The following PSMD7 variants were observed in gnomAD, a reference collection of about 807,000 sequenced individuals.
The protein encoded by PSMD7 is proteasome 26S subunit, non-ATPase 7.
Under a neutral mutation model 36.4 loss-of-function variants are expected in PSMD7, and 13 were observed. The observed-to-expected ratio is 0.36, with a 90% CI of 0.23 to 0.57. PSMD7 has a LOEUF of 0.57. PSMD7 is among the 20% of genes least tolerant of loss of function. The pLI is 0.83. For synonymous variants in PSMD7, 186 were observed against 151.0 expected (o/e 1.23, Z -1.70); for missense variants, 298 against 393.6 (o/e 0.76, Z 2.06).
In PSMD7 at chr16:74,302,692, A is replaced by G. The variant is rs897499422; in HGVS notation, c.438+400A>G. 1.1e-4 allele frequency among the ~76,000 whole-genome samples: 16 copies of G among 152,330 alleles called. No individual in the cohort carries two copies. In the East Asian group the frequency reaches 2.3e-3, roughly 22 times the overall value. On this transcript the variant is annotated intron_variant, in intron 5 of 6. Coordinates refer to ENST00000219313, the MANE Select transcript of PSMD7 (RefSeq NM_002811.5). ...CAGGAGTTCAAGGTTACAGTGAGCAATGATCACACCACTGCATTCCAACCT... is the reference window on the plus strand; with the variant it reads ...CAGGAGTTCAAGGTTACAGTGAGCAGTGATCACACCACTGCATTCCAACCT...
At chr16:74,297,721 GA>G (rs1445029059) in intron 1 of PSMD7, among the ~76,000 whole-genome samples, 3 of 150,838 alleles carry the variant, frequency 2.0e-5, no homozygotes, top group Admixed American at 2.0e-4. Flanking sequence ...TGATTTCACC[GA>G]AATGTGAATG....
intron 1 of PSMD7, among the ~76,000 whole-genome samples, chr16:74,298,686 A>G (rs755698264): frequency 3.4e-4 from 51 of 152,188 alleles, no homozygotes; most frequent in Admixed American, 9.8e-4. Flanking sequence ...CACATGGTGA[A>G]ACCCCTTCTC....
At chr16:74,298,156 C>CAAA (rs75614540) in intron 1 of PSMD7, among the ~76,000 whole-genome samples, 29 of 72,728 alleles carry the variant, frequency 4.0e-4, no homozygotes, top group East Asian at 6.2e-4. Context: ...ACCCTGTCTC[C>CAAA]AAAAAAAAAA....
At chr16:74,297,586 CGTTTGACCGAATTG>C (rs2034123652) in intron 1 of PSMD7, among the ~76,000 whole-genome samples, 2 of 151,912 alleles carry the variant, frequency 1.3e-5, no homozygotes, top group African/African-American at 4.8e-5. Flanking sequence ...TGTTTATCTT[CGTTTGACCGAATTG>C]GTTTCACCGA....
At chr16:74,300,051 C>G in intron 1 of PSMD7, 64 bp from the exon 2 acceptor site, 1 of 1,369,708 alleles carries the variant, frequency 7.3e-7, no homozygotes, top group Non-Finnish European at 1.0e-6. Flanking sequence ...CATTGAGTAT[C>G]TTATTGTTGG....
intron 6 of PSMD7, 106 bp from the exon 7 acceptor site, chr16:74,305,183 T>G: frequency 3.0e-6 from 4 of 1,353,728 alleles, no homozygotes; most frequent in Non-Finnish European, 1.9e-6. Context: ...TTTAAAAACT[T>G]GCCTCACCCA....
At chr16:74,301,910 CTG>C (rs1320928571) in intron 4 of PSMD7, among the ~76,000 whole-genome samples, 1 of 152,094 alleles carries the variant, frequency 6.6e-6, no homozygotes, top group Non-Finnish European at 1.5e-5. Flanking sequence ...AATGAGAAAA[CTG>C]AGGTTCAGAA....
At chr16:74,301,704 C>A in intron 4 of PSMD7, 52 bp downstream of exon 4, 2 of 1,456,020 alleles carry the variant, frequency 1.4e-6, no homozygotes, top group Non-Finnish European at 1.9e-6. Context: ...TGCCAGCCAG[C>A]TCAAGTAAGA....
chr16:74,297,253 C>G (rs2034120766), intron 1 of PSMD7, among the ~76,000 whole-genome samples: 1 of 152,240 alleles, frequency 6.6e-6, no homozygotes, highest in Non-Finnish European at 1.5e-5. Flanking sequence ...TTTCCGAGTT[C>G]GTTTTGCCGA....
At position 74,296,902 on chromosome 16, in the gene PSMD7, G is replaced by A. The variant is rs1567524295; in HGVS notation, c.-13G>A. 1 of 1,612,902 alleles carries A rather than the reference G, an allele frequency of 6.2e-7. No individual in the cohort carries two copies. Among genetic ancestry groups the A allele is most frequent in the Non-Finnish European group, 8.5e-7 (1 of 1,179,706 alleles). On this transcript the variant is annotated 5_prime_UTR_variant, in exon 1 of 7. Transcript: ENST00000219313. ...TGGCAGGGAGCCAGGCCTGGCGAGC[G>A]GGGTGTGTCGCGATGCCGGAGCTGG... is the stretch of plus-strand genomic sequence containing the variant.
chr16:74,301,628 C>A lies in PSMD7; in HGVS notation c.333C>A (p.Leu111=). 2 of 1,612,480 alleles carry A rather than the reference C, an allele frequency of 1.2e-6. No individual in the cohort carries two copies. The highest frequency in any genetic ancestry group is 1.7e-6 in the Non-Finnish European group (2 of 1,178,542). Residue 111 remains leucine (L), a synonymous_variant, in exon 4 of 7, where the codon CTC becomes CTA. Coordinates refer to ENST00000219313, the MANE Select transcript of PSMD7 (RefSeq NM_002811.5). ...AGAATGACATTGCCATCAACGAACT[C>A]ATGAAAAGATACTGTCCTAATTCCG... The part of the protein sequence containing the change: ...LHKNDIAINE[L]MKRYCPNSVL...
At chr16:74,301,996 T>C (rs2034159621) in intron 4 of PSMD7, among the ~76,000 whole-genome samples, 1 of 152,198 alleles carries the variant, frequency 6.6e-6, no homozygotes, top group Non-Finnish European at 1.5e-5. Flanking sequence ...GTCCTTGTGC[T>C]AGGCACTGTA....
chr16:74,299,241 TAAAA>T (rs1390280992), intron 1 of PSMD7, among the ~76,000 whole-genome samples: 1 of 152,212 alleles, frequency 6.6e-6, no homozygotes, highest in Non-Finnish European at 1.5e-5. Context: ...TGCTAGTGGT[TAAAA>T]AATACTTCTT....
chr16:74,296,890 G>A lies in PSMD7; in HGVS notation c.-25G>A, dbSNP rs745791674. The A allele has an allele frequency of 1.9e-6, 3 of 1,611,908 alleles. No individual in the cohort carries two copies. In the South Asian group the frequency reaches 3.3e-5, roughly 18 times the overall value. ...GGTGTTTGCGTGTGGCAGGGAGCCA[G>A]GCCTGGCGAGCGGGGTGTGTCGCGA... On this transcript the variant is annotated 5_prime_UTR_variant, in exon 1 of 7. Coordinates refer to ENST00000219313, the MANE Select transcript of PSMD7 (RefSeq NM_002811.5).
Position 74,301,737 on chromosome 16 carries a change from A to T in PSMD7, c.357+85A>T, listed in dbSNP as rs541109889. On this transcript the variant is annotated intron_variant, in intron 4 of 6. Transcript: ENST00000219313. ...AGAGCATCCTGGGAAGAATTTGAGT[A>T]GCAAATCTGCTTACTGCTTTATCTC... is the stretch of plus-strand genomic sequence containing the variant. The T allele has an allele frequency of 3.7e-6, 4 of 1,068,124 alleles. No individual in the cohort carries two copies. The South Asian group carries it at 5.3e-5, about 14-fold the overall frequency. The allele number at this position is 1,068,124 out of a possible 1,614,324, so 66.2% of individuals were successfully genotyped here.
At chr16:74,302,407 G>GT (rs906969089) in intron 5 of PSMD7, 115 bp downstream of exon 5, 28 of 849,356 alleles carry the variant, frequency 3.3e-5, no homozygotes, top group Non-Finnish European at 5.0e-5. Context: ...AAAGAAGGTA[G>GT]TTTTTTTCCC....
In PSMD7 at chr16:74,302,195, ATG is replaced by A. The variant is rs766343086; in HGVS notation, c.358-13_358-12del. On this transcript the variant is annotated splice_polypyrimidine_tract_variant and intron_variant, in intron 4 of 6. Coordinates refer to ENST00000219313, the MANE Select transcript of PSMD7 (RefSeq NM_002811.5). ...GCTGGGCGTGAGATGACTTGCTAAG[ATG>A]TGTTTCTCTGCCAGGTATTGGTCAT... 61 of 1,610,360 alleles carry A rather than the reference ATG, an allele frequency of 3.8e-5. 2 individuals are homozygous for A. The South Asian group carries it at 6.6e-4, about 18-fold the overall frequency.
intron 4 of PSMD7, among the ~76,000 whole-genome samples, chr16:74,301,866 G>A (rs561508499): frequency 1.3e-5 from 2 of 152,012 alleles, no homozygotes; most frequent in Non-Finnish European, 2.9e-5. Flanking sequence ...TATGAGTTTC[G>A]TAATCCTCTC....
At chr16:74,301,439 T>C (rs927536355) in intron 3 of PSMD7, 116 bp from the exon 4 acceptor site, 7 of 740,244 alleles carry the variant, frequency 9.5e-6, no homozygotes, top group South Asian at 7.4e-5. Flanking sequence ...AGGGTAAATA[T>C]GTCTGGAATT....
Sources: allele counts gnomAD v4.1 joint callset (sites outside exome capture counted in the v4.1 genomes callset), GRCh38; gene constraint gnomAD v4.1.1; transcripts MANE v1.5; gene names NCBI Gene and HGNC (gene_info 2026-07-23, HGNC 2026-07-21).